The following VAV3 variants were observed in gnomAD, a reference collection of about 807,000 sequenced individuals.
VAV3 encodes the protein guanine nucleotide exchange factor VAV3.
A neutral mutation model predicts 131.2 loss-of-function variants in VAV3; 94 were observed. The ratio of observed to expected loss-of-function variants is 0.72; its 90% CI spans 0.61 to 0.85. VAV3 has a LOEUF of 0.85. Among genes scored for constraint, VAV3 ranks in the 40% least tolerant of loss-of-function variants. The pLI is 0.00. For synonymous variants in VAV3, 349 were observed against 342.0 expected, an observed-to-expected ratio of 1.02 and a Z score of -0.22; for missense variants, 939 against 1,002.7, an observed-to-expected ratio of 0.94 and a Z score of 0.86.
At chr1:107,632,741 G>T (rs1654598967) in intron 20 of VAV3, among the ~76,000 whole-genome samples, 1 of 152,224 alleles carries the variant, frequency 6.6e-6, no homozygotes, top group East Asian at 1.9e-4. Flanking sequence ...CAGTGTCTGA[G>T]TAGTGAACAG....
intron 1 of VAV3, among the ~76,000 whole-genome samples, chr1:107,897,636 C>T (rs11185205): frequency 0.22 from 33,848 of 151,782 alleles, 3,844 homozygotes; most frequent in African/African-American, 0.27. Flanking sequence ...GGTGCATTCA[C>T]CCTGCCCATG....
At chr1:107,891,859 A>C (rs1671326157) in intron 1 of VAV3, among the ~76,000 whole-genome samples, 1 of 150,536 alleles carries the variant, frequency 6.6e-6, no homozygotes, top group Non-Finnish European at 1.5e-5. Flanking sequence ...AAAAAAAAAA[A>C]AAAAAGAGCT....
intron 20 of VAV3, among the ~76,000 whole-genome samples, chr1:107,628,600 C>CA: frequency 6.6e-6 from 1 of 152,258 alleles, no homozygotes. Flanking sequence ...TCCTGTTACA[C>CA]AAAAAGTTAT....
intron 1 of VAV3, among the ~76,000 whole-genome samples, chr1:107,935,238 A>G (rs971572485): frequency 6.6e-6 from 1 of 152,246 alleles, no homozygotes; most frequent in Non-Finnish European, 1.5e-5. Flanking sequence ...TTCATTTTAA[A>G]GCAATTAAGC....
intron 2 of VAV3, among the ~76,000 whole-genome samples, chr1:107,824,423 C>T (rs537115528): frequency 1.1e-4 from 16 of 152,166 alleles, no homozygotes; most frequent in Middle Eastern, 6.8e-3. Flanking sequence ...TGGCCCCATA[C>T]GGAGGTTCAA....
intron 19 of VAV3, among the ~76,000 whole-genome samples, chr1:107,674,960 G>T (rs950920950): frequency 1.3e-5 from 2 of 152,174 alleles, no homozygotes; most frequent in Non-Finnish European, 2.9e-5. Context: ...AGGTCATAAG[G>T]CCCTCAGTTC....
chr1:107,588,882 C>T (rs528923296), intron 25 of VAV3, among the ~76,000 whole-genome samples: 2 of 152,168 alleles, frequency 1.3e-5, no homozygotes, highest in African/African-American at 4.8e-5. Context: ...ATATTTAATA[C>T]AATGTTTCAG....
At chr1:107,764,490 G>A (rs752766547) in intron 9 of VAV3, among the ~76,000 whole-genome samples, 2 of 152,154 alleles carry the variant, frequency 1.3e-5, no homozygotes, top group Non-Finnish European at 2.9e-5. Context: ...TAATACATCT[G>A]ATTCTAAATG....
chr1:107,589,784 A>T (rs140649587), intron 25 of VAV3, among the ~76,000 whole-genome samples: 4,928 of 152,264 alleles, frequency 0.032, 271 homozygotes, highest in African/African-American at 0.11. Context: ...TAAAAGGGCA[A>T]GGGAGAAACT....
intron 22 of VAV3, among the ~76,000 whole-genome samples, chr1:107,603,404 T>G (rs1338490499): frequency 6.6e-6 from 1 of 152,096 alleles, no homozygotes; most frequent in Non-Finnish European, 1.5e-5. Flanking sequence ...AAGCACCTAG[T>G]AAATAAATGG....
At chr1:107,657,276 G>A (rs913219048) in intron 19 of VAV3, among the ~76,000 whole-genome samples, 1 of 152,088 alleles carries the variant, frequency 6.6e-6, no homozygotes, top group African/African-American at 2.4e-5. Flanking sequence ...AATAATTAAA[G>A]TAAGACTTCA....
rs752933106 is a variant in VAV3, at chr1:107,803,536, T to C, written c.322-24044A>G. Among the ~76,000 whole-genome samples the C allele has an allele frequency of 3.3e-5, 5 of 152,132 alleles. No individual in the cohort carries two copies. The South Asian group carries it at 8.3e-4, about 25-fold the overall frequency. ...GGTCATTTAGGAGCATGTTGTTTAA[T>C]TTCCATGTGTTTGTCTCATTTCAGA... On this transcript the variant is annotated intron_variant, in intron 2 of 26. Coordinates refer to ENST00000370056, the MANE Select transcript of VAV3 (RefSeq NM_006113.5).
At chr1:107,596,940 A>C (rs1013651531) in intron 24 of VAV3, among the ~76,000 whole-genome samples, 1 of 152,186 alleles carries the variant, frequency 6.6e-6, no homozygotes, top group South Asian at 2.1e-4. Context: ...CTTATAAATA[A>C]TTTGTCTTAA....
At chr1:107,942,664 A>T (rs2101278655) in intron 1 of VAV3, among the ~76,000 whole-genome samples, 1 of 152,214 alleles carries the variant, frequency 6.6e-6, no homozygotes, top group East Asian at 1.9e-4. Context: ...GATCATAACA[A>T]AACTTATTTT....
intron 19 of VAV3, among the ~76,000 whole-genome samples, chr1:107,643,162 C>T (rs1317200699): frequency 6.6e-6 from 1 of 152,144 alleles, no homozygotes; most frequent in Non-Finnish European, 1.5e-5. Context: ...TGAGGAGGCT[C>T]ATCCTTTCTG....
chr1:107,594,650 T>C (rs1651229647), intron 25 of VAV3, among the ~76,000 whole-genome samples: 1 of 152,118 alleles, frequency 6.6e-6, no homozygotes, highest in African/African-American at 2.4e-5. Context: ...GAGCATTAAA[T>C]ACTTCATTAA....
intron 3 of VAV3, 90 bp from the exon 4 acceptor site, chr1:107,777,386 T>C: frequency 8.3e-7 from 1 of 1,201,198 alleles, no homozygotes; most frequent in African/African-American, 1.5e-5. Flanking sequence ...TCACTAAATA[T>C]GTAAGTTGTC....
intron 15 of VAV3, among the ~76,000 whole-genome samples, chr1:107,740,814 A>G (rs1038742726): frequency 6.6e-6 from 1 of 152,200 alleles, no homozygotes; most frequent in Admixed American, 6.5e-5. Context: ...CATTTATGTG[A>G]ATCTATGGCT....
At position 107,662,462 on chromosome 1, in the gene VAV3, A is replaced by ATC. The variant is rs1238074096; in HGVS notation, c.1778-19709_1778-19708dup. 4.6e-5 allele frequency among the ~76,000 whole-genome samples: 7 copies of ATC among 152,318 alleles called. No homozygotes were observed. In the South Asian group the frequency reaches 6.2e-4, roughly 14 times the overall value. ...CAATAATGTCACAGGGATATAAGTT[A>ATC]TCTCTCTCACACACACACACAGTGC... On this transcript the variant is annotated intron_variant, in intron 19 of 26. Transcript: ENST00000370056.
Sources: allele counts gnomAD v4.1 joint callset (sites outside exome capture counted in the v4.1 genomes callset), GRCh38; gene constraint gnomAD v4.1.1; transcripts MANE v1.5; gene names NCBI Gene and HGNC (gene_info 2026-07-23, HGNC 2026-07-21).